ATP6V0A4: variants seen among roughly 807,000 people sequenced by gnomAD.
The protein encoded by ATP6V0A4 is ATPase H+ transporting V0 subunit a4, also known as V-type proton ATPase 116 kDa subunit a 4.
In ATP6V0A4, 86 loss-of-function variants were observed where a neutral mutation model predicts 107.3. That is an observed-to-expected ratio of 0.80 (90% CI 0.67 to 0.96). ATP6V0A4 has a LOEUF of 0.96. ATP6V0A4 is among the 40% of genes least tolerant of loss of function. The pLI is 0.00. For synonymous variants in ATP6V0A4, 353 were observed against 381.4 expected (o/e 0.93, Z 0.87); for missense variants, 908 against 1,045.6 (o/e 0.87, Z 1.81).
At chr7:138,769,772 C>T (rs1807284787) in intron 3 of ATP6V0A4, among the ~76,000 whole-genome samples, 3 of 152,280 alleles carry the variant, frequency 2.0e-5, no homozygotes, top group Non-Finnish European at 2.9e-5. Flanking sequence ...TTCACCCTCT[C>T]GTTTCTAAAA....
intron 2 of ATP6V0A4, among the ~76,000 whole-genome samples, chr7:138,784,837 C>T (rs530422683): frequency 1.3e-5 from 2 of 152,318 alleles, no homozygotes; most frequent in South Asian, 2.1e-4. Flanking sequence ...AAAAGCTTTA[C>T]ACTTAGCCTC....
chr7:138,742,622 T>G (rs1366081861), intron 14 of ATP6V0A4, among the ~76,000 whole-genome samples: 1 of 151,742 alleles, frequency 6.6e-6, no homozygotes. Context: ...CCTCCCAGGC[T>G]CAAATGATCT....
chr7:138,715,076 G>C (rs773390803), intron 20 of ATP6V0A4, among the ~76,000 whole-genome samples: 3 of 152,216 alleles, frequency 2.0e-5, no homozygotes, highest in Non-Finnish European at 4.4e-5. Context: ...GCAGCCTCAA[G>C]AGGCTGGAAA....
intron 19 of ATP6V0A4, among the ~76,000 whole-genome samples, chr7:138,720,308 G>T (rs920961269): frequency 4.6e-5 from 7 of 152,278 alleles, no homozygotes; most frequent in African/African-American, 1.7e-4. Context: ...CTGGAGACGG[G>T]AGACCCATGT....
chr7:138,745,669 A>AAAAAAAAAAAAAAAAAAAAAAAAAAAAAC (rs1805885225), intron 13 of ATP6V0A4, among the ~76,000 whole-genome samples: 3 of 141,386 alleles, frequency 2.1e-5, no homozygotes, highest in South Asian at 2.4e-4. Flanking sequence ...AAAAAAAAAA[A>AAAAAAAAAAAAAAAAAAAAAAAAAAAAAC]AAGGCCGGGT....
chr7:138,708,017 T>A (rs1173024559), intron 21 of ATP6V0A4, among the ~76,000 whole-genome samples: 1 of 139,954 alleles, frequency 7.1e-6, no homozygotes, highest in African/African-American at 2.7e-5. Context: ...TTATGTTTTA[T>A]TTTATTTATT....
intron 5 of ATP6V0A4, among the ~76,000 whole-genome samples, chr7:138,765,428 A>G (rs532359772): frequency 6.6e-6 from 1 of 152,372 alleles, no homozygotes; most frequent in Admixed American, 6.5e-5. Flanking sequence ...ATAATTATGT[A>G]AAAGTATAGC....
At chr7:138,793,121 CCT>C (rs1313394581) in intron 1 of ATP6V0A4, among the ~76,000 whole-genome samples, 1 of 151,962 alleles carries the variant, frequency 6.6e-6, no homozygotes, top group Non-Finnish European at 1.5e-5. Flanking sequence ...TGGTGAAACC[CCT>C]GTTTCTACCA....
intron 9 of ATP6V0A4, 187 bp from the exon 10 acceptor site, chr7:138,755,969 T>G (rs1253575042): frequency 1.6e-5 from 17 of 1,031,366 alleles, no homozygotes; most frequent in Non-Finnish European, 2.4e-5. Context: ...ACTTGTGCTG[T>G]GAATTGAGGC....
At chr7:138,719,434 T>A (rs1251676067) in intron 19 of ATP6V0A4, among the ~76,000 whole-genome samples, 1 of 152,108 alleles carries the variant, frequency 6.6e-6, no homozygotes, top group Non-Finnish European at 1.5e-5. Flanking sequence ...TTGGGAATGA[T>A]CTGCAAGGTG....
chr7:138,715,806 C>T lies in ATP6V0A4; in HGVS notation c.2215G>A (p.Ala739Thr). Reference sequence around the variant, plus strand: ...AGGGCCCAGAGCCGCAGGTAGGAGGCTGTGTTTGAAATGCAGCCCAGGCAG... The same window carrying T: ...AGGGCCCAGAGCCGCAGGTAGGAGGTTGTGTTTGAAATGCAGCCCAGGCAG... Reference protein sequence around the residue: ...EYCLGCISNTASYLRLWALSL... With the variant: ...EYCLGCISNTTSYLRLWALSL... Residue 739 changes from alanine (A) to threonine (T), a missense_variant, in exon 20 of 22, where the codon GCC (alanine) becomes ACC (threonine). By Grantham distance (58) the Ala-to-Thr change is moderately conservative. Transcript: ENST00000310018. 1 of 1,613,354 alleles carries T rather than the reference C, an allele frequency of 6.2e-7. No individual in the cohort carries two copies. The highest frequency in any genetic ancestry group is 8.5e-7 in the Non-Finnish European group (1 of 1,179,872).
rs771351939 is a variant in ATP6V0A4 at position 138,798,029 on chromosome 7, C to T, written c.-121+5G>A. The T allele has an allele frequency of 5.2e-6, 8 of 1,552,880 alleles. No individual in the cohort carries two copies. The African/African-American group carries it at 9.6e-5, about 19-fold the overall frequency. On this transcript the variant is annotated splice_donor_5th_base_variant and intron_variant, in intron 1 of 21. Coordinates refer to ENST00000310018, the MANE Select transcript of ATP6V0A4 (RefSeq NM_020632.3). ...TCCAGCTCCTGCAGGTGGGAGTCGA[C>T]TCACCTGCAGCAGGCACTCGGCACA...
chr7:138,763,176 G>GAC (rs781469508), intron 5 of ATP6V0A4, 151 bp from the exon 6 acceptor site: 9 of 815,236 alleles, frequency 1.1e-5, no homozygotes, highest in Admixed American at 2.2e-5. Context: ...GACACACACA[G>GAC]ACACACACAG....
chr7:138,762,803 G>T, intron 6 of ATP6V0A4, 97 bp downstream of exon 6: 1 of 1,378,464 alleles, frequency 7.3e-7, no homozygotes, highest in Non-Finnish European at 1.0e-6. Flanking sequence ...AACAGAAACA[G>T]AGTGATTTAC....
At chr7:138,756,423 A>C in intron 9 of ATP6V0A4, 35 bp downstream of exon 9, 1 of 1,613,518 alleles carries the variant, frequency 6.2e-7, no homozygotes, top group Admixed American at 1.7e-5. Flanking sequence ...TCCTGGCCCA[A>C]ATCACTGAAG....
At chr7:138,786,802 A>C (rs1808198453) in intron 1 of ATP6V0A4, among the ~76,000 whole-genome samples, 1 of 152,094 alleles carries the variant, frequency 6.6e-6, no homozygotes, top group Non-Finnish European at 1.5e-5. Context: ...CGCTAGCCTA[A>C]GTTTTTCACT....
intron 15 of ATP6V0A4, among the ~76,000 whole-genome samples, chr7:138,736,423 C>T (rs188541944): frequency 7.8e-4 from 119 of 152,194 alleles, no homozygotes; most frequent in Admixed American, 2.6e-3. Flanking sequence ...AAGTTACTTA[C>T]ATACCTAGGA....
rs112891804 is a variant in ATP6V0A4 at position 138,769,913 on chromosome 7, A to C, written c.118-662T>G. 9.9e-3 allele frequency among the ~76,000 whole-genome samples: 1,508 copies of C among 152,210 alleles called. 38 individuals carry two copies. The highest frequency in any genetic ancestry group is 0.034 in the African/African-American group (1,409 of 41,540). On this transcript the variant is annotated intron_variant, in intron 3 of 21. Coordinates refer to ENST00000310018, the MANE Select transcript of ATP6V0A4 (RefSeq NM_020632.3). ...GGCAACATAATGAGACCTCATCTCTACAAAAAATTACAAAATTAACCGAGC... is the reference window on the plus strand; with the variant it reads ...GGCAACATAATGAGACCTCATCTCTCCAAAAAATTACAAAATTAACCGAGC...
intron 11 of ATP6V0A4, among the ~76,000 whole-genome samples, chr7:138,751,425 T>C (rs1806218917): frequency 6.6e-6 from 1 of 151,896 alleles, no homozygotes; most frequent in Non-Finnish European, 1.5e-5. Context: ...TGTTCGGCCA[T>C]CTTGTACTAT....
Sources: allele counts gnomAD v4.1 joint callset (sites outside exome capture counted in the v4.1 genomes callset), GRCh38; gene constraint gnomAD v4.1.1; transcripts MANE v1.5; gene names NCBI Gene and HGNC (gene_info 2026-07-23, HGNC 2026-07-21).